DLC1: variants seen among roughly 807,000 people sequenced by gnomAD.
The protein encoded by DLC1 is DLC1 Rho GTPase activating protein.
DLC1 carries 54 observed loss-of-function variants against 140.3 expected under a neutral mutation model. The observed-to-expected ratio is 0.38, with a 90% CI of 0.31 to 0.48. DLC1 has a LOEUF of 0.48. Ranked by LOEUF, DLC1 falls within the 20% of genes least tolerant of loss-of-function variation. The probability of loss-of-function intolerance (pLI) is 0.96; values close to 1 mark genes in which losing one functional copy is unlikely to be tolerated. For missense variants in DLC1, 2,536 were observed against 1,907.0 expected, an observed-to-expected ratio of 1.33 and a Z score of -6.14; for synonymous variants, 986 against 728.1, an observed-to-expected ratio of 1.35 and a Z score of -5.70.
At chr8:13,249,251 G>A (rs1359717338) in intron 5 of DLC1, among the ~76,000 whole-genome samples, 2 of 152,064 alleles carry the variant, frequency 1.3e-5, no homozygotes, top group Non-Finnish European at 2.9e-5. Flanking sequence ...TATTTGTTTT[G>A]TATTTTTAGT....
intron 5 of DLC1, among the ~76,000 whole-genome samples, chr8:13,303,573 G>T (rs1277032370): frequency 6.6e-6 from 1 of 152,074 alleles, no homozygotes; most frequent in African/African-American, 2.4e-5. Flanking sequence ...AGGCCGAGGC[G>T]GGCGGATCAC....
At chr8:13,128,719 C>T (rs1006348355) in intron 5 of DLC1, among the ~76,000 whole-genome samples, 2 of 151,974 alleles carry the variant, frequency 1.3e-5, no homozygotes, top group African/African-American at 4.8e-5. Context: ...ACTGTAGTCC[C>T]AGCTACTCGG....
chr8:13,199,415 C>A (rs73556500), intron 5 of DLC1, among the ~76,000 whole-genome samples: 2 of 151,810 alleles, frequency 1.3e-5, no homozygotes, highest in African/African-American at 4.8e-5. Flanking sequence ...AACTCCAGGC[C>A]TCACGCAATC....
chr8:13,525,963 C>T (rs1802910165), intron 1 of DLC1, among the ~76,000 whole-genome samples: 1 of 152,042 alleles, frequency 6.6e-6, no homozygotes. Flanking sequence ...AGGTTTTACA[C>T]CTAGGTTCTA....
intron 7 of DLC1, among the ~76,000 whole-genome samples, chr8:13,108,975 C>G (rs1477157733): frequency 6.6e-6 from 1 of 152,110 alleles, no homozygotes; most frequent in Non-Finnish European, 1.5e-5. Flanking sequence ...GGGTACACAC[C>G]CTGTACGTTT....
chr8:13,203,129 G>T (rs1827486642), intron 5 of DLC1, among the ~76,000 whole-genome samples: 1 of 152,070 alleles, frequency 6.6e-6, no homozygotes, highest in South Asian at 2.1e-4. Context: ...TCTTTGTCTT[G>T]CCTTAAATTT....
intron 2 of DLC1, among the ~76,000 whole-genome samples, chr8:13,407,147 A>G (rs917943876): frequency 6.6e-6 from 1 of 152,228 alleles, no homozygotes; most frequent in African/African-American, 2.4e-5. Context: ...TAAGATGTCC[A>G]AGCCCATGGT....
intron 4 of DLC1, among the ~76,000 whole-genome samples, chr8:13,374,297 C>A (rs144181428): frequency 9.0e-6 from 1 of 110,772 alleles, no homozygotes; most frequent in Non-Finnish European, 1.8e-5. Flanking sequence ...AAATCCATCT[C>A]AAATTCTTTT....
chr8:13,192,840 A>C (rs1283315852), intron 5 of DLC1, among the ~76,000 whole-genome samples: 1 of 152,206 alleles, frequency 6.6e-6, no homozygotes, highest in Non-Finnish European at 1.5e-5. Context: ...CGGCAAGCAA[A>C]GGAGAGAGGC....
intron 5 of DLC1, among the ~76,000 whole-genome samples, chr8:13,238,595 C>G (rs1391267815): frequency 2.0e-5 from 3 of 152,044 alleles, no homozygotes. Context: ...GTTATCAGTA[C>G]CCTTTAACAA....
intron 6 of DLC1, among the ~76,000 whole-genome samples, chr8:13,115,116 C>A (rs1325739611): frequency 6.6e-6 from 1 of 152,110 alleles, no homozygotes; most frequent in Non-Finnish European, 1.5e-5. Flanking sequence ...ACAGTGGTTT[C>A]TTGTGTAATA....
intron 2 of DLC1, among the ~76,000 whole-genome samples, chr8:13,436,219 A>C (rs1839116627): frequency 6.6e-6 from 1 of 152,190 alleles, no homozygotes; most frequent in Non-Finnish European, 1.5e-5. Context: ...CTTGCTTCAC[A>C]TTCTATCATT....
At position 13,086,447 on chromosome 8, in the gene DLC1, A is replaced by T; in HGVS notation, c.4309T>A (p.Leu1437Ile). 6.2e-7 allele frequency: 1 copy of T among 1,614,056 alleles called. No individual in the cohort carries two copies. Among genetic ancestry groups the T allele is most frequent in the Non-Finnish European group, 8.5e-7 (1 of 1,180,008 alleles). The change falls in exon 17 of 18, where the codon TTA (leucine) becomes ATA (isoleucine). Residue 1437 changes from leucine (L) to isoleucine (I), a missense_variant. Transcript: ENST00000276297. ...YVVLRTWRTN[L>I]PKGACALLLT... is the part of the protein sequence containing the mutation. ...AAAAGGGCACAGGCTCCTTTGGGTA[A>T]ATTAGTCCTCCAGGTTCTGTAGAGA...
intron 1 of DLC1, among the ~76,000 whole-genome samples, chr8:13,502,439 T>TCTGATA (rs1486588409): frequency 6.6e-6 from 1 of 152,180 alleles, no homozygotes; most frequent in Non-Finnish European, 1.5e-5. Flanking sequence ...TGTCATGTGG[T>TCTGATA]CTGATAGTTT....
chr8:13,347,150 C>T (rs547881026), intron 4 of DLC1, among the ~76,000 whole-genome samples: 7 of 152,200 alleles, frequency 4.6e-5, no homozygotes, highest in South Asian at 2.1e-4. Context: ...CTGTGGGTCA[C>T]GGAATATGTT....
At chr8:13,107,452 A>C (rs1819663201) in intron 7 of DLC1, among the ~76,000 whole-genome samples, 1 of 152,220 alleles carries the variant, frequency 6.6e-6, no homozygotes, top group Non-Finnish European at 1.5e-5. Flanking sequence ...ATTTTGTAAA[A>C]TGTTTAAGCT....
chr8:13,534,656 T>C (rs1213085799), intron 1 of DLC1, among the ~76,000 whole-genome samples: 1 of 152,152 alleles, frequency 6.6e-6, no homozygotes, highest in Non-Finnish European at 1.5e-5. Context: ...GACCAGGCAC[T>C]GAAAATTCAC....
At chr8:13,143,899 T>A (rs918955185) in intron 5 of DLC1, among the ~76,000 whole-genome samples, 3 of 151,572 alleles carry the variant, frequency 2.0e-5, no homozygotes, top group Non-Finnish European at 4.4e-5. Context: ...CAGAGCTGTT[T>A]GAGTTTTCCC....
intron 5 of DLC1, among the ~76,000 whole-genome samples, chr8:13,147,822 T>C (rs576683140): frequency 6.6e-6 from 1 of 152,196 alleles, no homozygotes; most frequent in East Asian, 1.9e-4. Flanking sequence ...ACCCCGTCTC[T>C]ACTAAAAAGA....
Sources: allele counts gnomAD v4.1 joint callset (sites outside exome capture counted in the v4.1 genomes callset), GRCh38; gene constraint gnomAD v4.1.1; transcripts MANE v1.5; gene names NCBI Gene and HGNC (gene_info 2026-07-23, HGNC 2026-07-21).